TCERG1L: variants seen among roughly 807,000 people sequenced by gnomAD.
TCERG1L encodes the protein transcription elongation regulator 1 like, also known as transcription elongation regulator 1-like protein.
Under a neutral mutation model 56.3 loss-of-function variants are expected in TCERG1L, and 37 were observed. The ratio of observed to expected loss-of-function variants is 0.66; its 90% confidence interval spans 0.51 to 0.87. TCERG1L has a LOEUF of 0.87. TCERG1L is among the 40% of genes least tolerant of loss of function. The pLI is 0.00. For missense variants in TCERG1L, 799 were observed against 774.2 expected (o/e 1.03, Z -0.38); for synonymous variants, 324 against 326.3 (o/e 0.99, Z 0.08).
chr10:131,120,084 G>C (rs1295002635), intron 8 of TCERG1L, among the ~76,000 whole-genome samples: 1 of 152,086 alleles, frequency 6.6e-6, no homozygotes, highest in Non-Finnish European at 1.5e-5. Flanking sequence ...CCCTAAGCAG[G>C]GGTGCTCTCT....
chr10:131,120,518 T>A (rs551144551), intron 8 of TCERG1L, among the ~76,000 whole-genome samples: 15 of 152,278 alleles, frequency 9.9e-5, no homozygotes, highest in African/African-American at 3.6e-4. Flanking sequence ...GGCAGAGAAA[T>A]GACAAACACC....
chr10:131,124,109 T>A (rs2133395581), intron 8 of TCERG1L, among the ~76,000 whole-genome samples: 1 of 152,240 alleles, frequency 6.6e-6, no homozygotes, highest in African/African-American at 2.4e-5. Flanking sequence ...GCCTTGCTGA[T>A]GCTACAAGAT....
chr10:131,158,754 C>T lies in TCERG1L; in HGVS notation c.1034+4368G>A, dbSNP rs372214705. 5.9e-5 allele frequency among the ~76,000 whole-genome samples: 9 copies of T among 152,340 alleles called. No individual in the cohort carries two copies. In the Middle Eastern group the frequency reaches 0.01, roughly 173 times the overall value. On this transcript the variant is annotated intron_variant, in intron 6 of 11. Transcript: ENST00000368642. The stretch of plus-strand genomic sequence containing the variant: ...ACCACCACCCCTGCCTGGCTGAGGG[C>T]GGCCTGGTCTCTGAGTGCCAAGCGG...
intron 3 of TCERG1L, among the ~76,000 whole-genome samples, chr10:131,292,968 A>G (rs914361088): frequency 5.3e-5 from 8 of 151,692 alleles, no homozygotes; most frequent in African/African-American, 1.9e-4. Context: ...CTCCTGCCTC[A>G]GCCTCCCGAG....
chr10:131,110,491 G>T (rs1845399605), intron 9 of TCERG1L, among the ~76,000 whole-genome samples: 1 of 152,182 alleles, frequency 6.6e-6, no homozygotes, highest in African/African-American at 2.4e-5. Flanking sequence ...GGTTTACCCT[G>T]AGCACCCACA....
At position 131,110,982 on chromosome 10, in the gene TCERG1L, C is replaced by T. The variant is rs1007326283; in HGVS notation, c.1395+5817G>A. Among the ~76,000 whole-genome samples the T allele has an allele frequency of 1.4e-5, 2 of 142,854 alleles. 1 individual carries two copies. The highest frequency in any genetic ancestry group is 4.9e-5 in the African/African-American group (2 of 40,496). The allele number at this position is 142,854 out of a possible 152,430, so 93.7% of individuals were successfully genotyped here. A position where few individuals can be genotyped will look rare whatever the true frequency, so the allele number is the denominator to read the frequency against. On this transcript the variant is annotated intron_variant, in intron 9 of 11. Transcript: ENST00000368642. The stretch of plus-strand genomic sequence containing the variant: ...TTCCATCTCTAAAACCAAAAAAAGG[C>T]TCTTTCAAGTAATTTTCAATCCCTG...
At chr10:131,238,557 G>A (rs540613092) in intron 4 of TCERG1L, among the ~76,000 whole-genome samples, 24 of 152,318 alleles carry the variant, frequency 1.6e-4, no homozygotes, top group African/African-American at 5.5e-4. Flanking sequence ...CGAGGGAACG[G>A]CTCCTGGAAG....
chr10:131,109,810 C>T (rs2133385429), intron 9 of TCERG1L, among the ~76,000 whole-genome samples: 1 of 152,304 alleles, frequency 6.6e-6, no homozygotes, highest in Non-Finnish European at 1.5e-5. Flanking sequence ...GTCTGGGTTG[C>T]AATAGATTCC....
At chr10:131,171,706 G>A (rs1589735894) in intron 4 of TCERG1L, among the ~76,000 whole-genome samples, 3 of 152,306 alleles carry the variant, frequency 2.0e-5, no homozygotes, top group Admixed American at 2.0e-4. Flanking sequence ...GAGCAGCTGA[G>A]ATTACAGGCA....
At chr10:131,252,624 C>G (rs527880497) in intron 4 of TCERG1L, among the ~76,000 whole-genome samples, 2 of 152,182 alleles carry the variant, frequency 1.3e-5, no homozygotes, top group African/African-American at 4.8e-5. Context: ...CCGTCTCCAA[C>G]GAGCGCCCAT....
chr10:131,273,473 G>A (rs886864335), intron 3 of TCERG1L, among the ~76,000 whole-genome samples: 9 of 152,184 alleles, frequency 5.9e-5, no homozygotes, highest in African/African-American at 1.4e-4. Context: ...GCCACAAAAC[G>A]CCAAGGAAAA....
At chr10:131,309,909 T>C (rs1484801154) in intron 1 of TCERG1L, among the ~76,000 whole-genome samples, 1 of 137,356 alleles carries the variant, frequency 7.3e-6, no homozygotes, top group Non-Finnish European at 1.5e-5. Flanking sequence ...AAAACATCAG[T>C]CATGGAAAGG....
chr10:131,146,717 C>A, intron 6 of TCERG1L, 57 bp from the exon 7 acceptor site: 3 of 1,542,774 alleles, frequency 1.9e-6, no homozygotes, highest in South Asian at 1.3e-5. Flanking sequence ...ATTAGAAAGT[C>A]GTTAGCATGA....
intron 7 of TCERG1L, among the ~76,000 whole-genome samples, chr10:131,136,086 A>C (rs1426945445): frequency 6.6e-6 from 1 of 152,200 alleles, no homozygotes; most frequent in Non-Finnish European, 1.5e-5. Flanking sequence ...AGAAGTTCCC[A>C]AATGTCCACA....
chr10:131,187,818 A>G (rs1193341887), intron 4 of TCERG1L, among the ~76,000 whole-genome samples: 1 of 152,156 alleles, frequency 6.6e-6, no homozygotes. Context: ...ATCCTGCTGC[A>G]CTGGGAGGAC....
chr10:131,100,078 C>A (rs1845290715), intron 10 of TCERG1L, among the ~76,000 whole-genome samples: 1 of 151,908 alleles, frequency 6.6e-6, no homozygotes, highest in South Asian at 2.1e-4. Context: ...TGTTGGCCAG[C>A]CTGGTTGCGA....
intron 6 of TCERG1L, among the ~76,000 whole-genome samples, chr10:131,160,066 T>C (rs1266629708): frequency 6.6e-6 from 1 of 151,754 alleles, no homozygotes. Context: ...AGCAGCCACC[T>C]CTCCCTCCCT....
chr10:131,110,801 T>C (rs1845404701), intron 9 of TCERG1L, among the ~76,000 whole-genome samples: 1 of 98,506 alleles, frequency 1.0e-5, no homozygotes, highest in Non-Finnish European at 2.6e-5. Context: ...GGGGGTTCAA[T>C]TCAAGTAAAG....
intron 4 of TCERG1L, among the ~76,000 whole-genome samples, chr10:131,239,440 C>T (rs184907105): frequency 6.6e-6 from 1 of 152,204 alleles, no homozygotes; most frequent in African/African-American, 2.4e-5. Context: ...TTGCTATCTG[C>T]TTATTTATTT....
Sources: gnomAD v4.1 joint callset for allele counts (sites outside exome capture counted in the v4.1 genomes callset) on GRCh38, gnomAD v4.1.1 for gene constraint, MANE v1.5 for transcripts, NCBI Gene and HGNC (gene_info 2026-07-23, HGNC 2026-07-21) for gene names.